NCOR2: variants seen among roughly 807,000 people sequenced by gnomAD.
The protein encoded by NCOR2 is nuclear receptor corepressor 2.
In NCOR2, 81 loss-of-function variants were observed where a neutral mutation model predicts 262.9. The observed-to-expected ratio is 0.31, with a 90% CI of 0.26 to 0.37. The LOEUF (loss-of-function observed/expected upper bound fraction) is 0.37. Among genes scored for constraint, NCOR2 ranks in the 10% least tolerant of loss-of-function variants. The pLI is 1.00. For synonymous variants in NCOR2, 1,659 were observed against 1,559.3 expected (o/e 1.06, Z -1.51); for missense variants, 3,385 against 3,621.4 (o/e 0.93, Z 1.68).
chr12:124,555,394 C>T (rs577186049), intron 1 of NCOR2, among the ~76,000 whole-genome samples: 5 of 152,270 alleles, frequency 3.3e-5, no homozygotes, highest in African/African-American at 7.2e-5. Context: ...CCAGGGAGCC[C>T]GAGCAAGTGG....
At chr12:124,325,645 G>A (rs536823358) in intron 46 of NCOR2, 62 bp from the exon 49 acceptor site, 23 of 1,147,358 alleles carry the variant, frequency 2.0e-5, no homozygotes, top group South Asian at 3.9e-5. Context: ...CCTGCTGGCC[G>A]CCTGCCCACC....
At chr12:124,468,802 C>T (rs2046671242) in intron 4 of NCOR2, among the ~76,000 whole-genome samples, 1 of 51,478 alleles carries the variant, frequency 1.9e-5, no homozygotes, top group Non-Finnish European at 4.1e-5. Context: ...TCATCATCCT[C>T]ATCCTCATCA....
At chr12:124,478,697 A>G (rs2047235138) in intron 3 of NCOR2, among the ~76,000 whole-genome samples, 1 of 152,100 alleles carries the variant, frequency 6.6e-6, no homozygotes. Flanking sequence ...TTGTGGTCCA[A>G]GCAGAGAGGA....
In NCOR2 at chr12:124,346,540, C is replaced by T. The variant is rs200597384; in HGVS notation, c.4359+24G>A. On this transcript the variant is annotated intron_variant, in intron 31 of 46. Transcript: ENST00000405201. ...CCGCCACCCCTCCTAGAACTGGGCC[C>T]GTGTGCCTGGCCCTGGGCCATACCT... The T allele has an allele frequency of 1.7e-4, 249 of 1,494,852 alleles. No individual in the cohort carries two copies. The African/African-American group carries it at 2.2e-3, about 13-fold the overall frequency. 92.6% of individuals were successfully genotyped at this position (1,494,852 alleles called of 1,614,324 possible).
rs111229375 is a variant in NCOR2 at position 124,519,568 on chromosome 12, G to A, written c.-118+15997C>T. ...TGTGGCCGGGGCGCAGGGGCGAGGC[G>A]GGGAGAGTTTGACGATGAGGTCAGG... On this transcript the variant is annotated intron_variant, in intron 1 of 46. Coordinates refer to the NCOR2 transcript ENST00000404621. 8.5e-3 allele frequency among the ~76,000 whole-genome samples: 1,292 copies of A among 152,292 alleles called. 7 individuals are homozygous for A. The highest frequency in any genetic ancestry group is 0.014 in the Non-Finnish European group (967 of 68,020).
intron 7 of NCOR2, among the ~76,000 whole-genome samples, chr12:124,442,354 C>T (rs905351632): frequency 6.6e-6 from 1 of 152,148 alleles, no homozygotes; most frequent in Non-Finnish European, 1.5e-5. Flanking sequence ...TTGCCCAGCT[C>T]GTCTCCAACT....
At chr12:124,489,274 C>T (rs1412916797) in intron 1 of NCOR2, among the ~76,000 whole-genome samples, 2 of 152,126 alleles carry the variant, frequency 1.3e-5, no homozygotes, top group Non-Finnish European at 2.9e-5. Context: ...ACAATAATAC[C>T]CCACAGTAAT....
Position 124,457,025 on chromosome 12 carries a change from G to C in NCOR2, c.762+81C>G. 1 of 1,130,646 alleles carries C rather than the reference G, an allele frequency of 8.8e-7. No individual in the cohort carries two copies. Among genetic ancestry groups the C allele is most frequent in the Non-Finnish European group, 1.2e-6 (1 of 835,696 alleles). 70.0% of individuals were successfully genotyped at this position (1,130,646 alleles called of 1,614,324 possible). ...TTGGTAATAGATGACTTCCTCCTCC[G>C]CCGCACCCTCCCGCCTCCCTGCCCA... On this transcript the variant is annotated intron_variant, in intron 6 of 46. Transcript: ENST00000405201. The surrounding 1 kb of genome is among the most constrained non-coding windows in gnomAD (Gnocchi z 4.0).
At chr12:124,471,996 G>A (rs577786576) in intron 4 of NCOR2, among the ~76,000 whole-genome samples, 4 of 152,232 alleles carry the variant, frequency 2.6e-5, no homozygotes, top group Admixed American at 1.3e-4. Flanking sequence ...TGTGTATACA[G>A]ATACACAAAC....
intron 16 of NCOR2, among the ~76,000 whole-genome samples, chr12:124,396,660 T>C (rs954622283): frequency 3.9e-5 from 6 of 152,086 alleles, no homozygotes; most frequent in African/African-American, 1.4e-4. Flanking sequence ...TGGGTCCAGG[T>C]TCACCTCAGC....
chr12:124,548,130 A>T lies in NCOR2; in HGVS notation c.-164-12519T>A, dbSNP rs956894297. 1.1e-4 allele frequency among the ~76,000 whole-genome samples: 17 copies of T among 151,860 alleles called. No individual in the cohort carries two copies. Among genetic ancestry groups the T allele is most frequent in the Non-Finnish European group, 1.9e-4 (13 of 67,962 alleles). On this transcript the variant is annotated intron_variant, in intron 1 of 32. Coordinates refer to the NCOR2 transcript ENST00000458234. This position sits in a 1 kb window ranked among gnomAD's most constrained non-coding sequence, Gnocchi z 5.1. ...CCTATGGGACCTCTCCTCCACTCTA[A>T]CTCTCCTCCACATCACATCAGGCCT...
chr12:124,325,623 A>ATCTG, intron 46 of NCOR2, 40 bp from the exon 49 acceptor site: 1 of 1,245,968 alleles, frequency 8.0e-7, no homozygotes, highest in Non-Finnish European at 1.0e-6. Context: ...GGCCTCTGTG[A>ATCTG]GCCCGGCAGC....
At chr12:124,383,435 C>A in intron 17 of NCOR2, 2 of 584,516 alleles carry the variant, frequency 3.4e-6, no homozygotes, top group South Asian at 6.1e-5. Context: ...CACTGGTGGT[C>A]ACCACACTCA....
At chr12:124,420,403 C>A (rs1030726808) in intron 12 of NCOR2, among the ~76,000 whole-genome samples, 2 of 152,204 alleles carry the variant, frequency 1.3e-5, no homozygotes, top group African/African-American at 4.8e-5. Context: ...TCACCCCCAG[C>A]CCTTATGGGA....
chr12:124,374,458 G>A (rs756613603), exon 19 of NCOR2: 2 of 1,612,572 alleles, frequency 1.2e-6, no homozygotes, highest in South Asian at 1.1e-5. Flanking sequence ...CCAGAGGCAT[G>A]TAAGGCTGGA....
intron 38 of NCOR2, 94 bp from the exon 41 acceptor site, chr12:124,335,726 G>A (rs1367322948): frequency 7.2e-7 from 1 of 1,388,614 alleles, no homozygotes; most frequent in East Asian, 2.4e-5. Flanking sequence ...GGGACCCCGG[G>A]GGGGTCAAGG....
intron 1 of NCOR2, among the ~76,000 whole-genome samples, chr12:124,530,483 C>T (rs2050719870): frequency 6.6e-6 from 1 of 152,166 alleles, no homozygotes. Flanking sequence ...TTAAGTGGAA[C>T]AGGGAGAGAG....
At chr12:124,418,180 G>C (rs1225418879) in intron 13 of NCOR2, among the ~76,000 whole-genome samples, 4 of 152,122 alleles carry the variant, frequency 2.6e-5, no homozygotes, top group Non-Finnish European at 5.9e-5. Flanking sequence ...CAAGCAGACT[G>C]GTCAACTCTG....
At chr12:124,354,816 C>T (rs752932158) in intron 25 of NCOR2, 21 bp downstream of exon 27, 26 of 1,607,056 alleles carry the variant, frequency 1.6e-5, no homozygotes, top group Admixed American at 1.2e-4. Flanking sequence ...GCCACCCAGA[C>T]GGATGGGCCA....
Sources: gnomAD v4.1 joint callset for allele counts (sites outside exome capture counted in the v4.1 genomes callset) on GRCh38, gnomAD v4.1.1 for gene constraint, Gnocchi (gnomAD v3.1) non-coding constraint, MANE v1.5 for transcripts, NCBI Gene and HGNC (gene_info 2026-07-23, HGNC 2026-07-21) for gene names.